Variants in MAST4 observed in about 807,000 individuals in gnomAD.
MAST4 encodes microtubule associated serine/threonine kinase family member 4, also known as microtubule-associated serine/threonine-protein kinase 4.
In MAST4, 89 loss-of-function variants were observed where a neutral mutation model predicts 162.7. That is an observed-to-expected ratio of 0.55 (90% CI 0.46 to 0.65). The LOEUF is 0.65. Among genes scored for constraint, MAST4 ranks in the 30% least tolerant of loss-of-function variants. The pLI is 0.00. For missense variants in MAST4, 3,153 were observed against 3,374.0 expected (o/e 0.93, Z 1.62); for synonymous variants, 1,479 against 1,361.1 (o/e 1.09, Z -1.91).
At chr5:66,928,793 A>T (rs1007006331) in intron 4 of MAST4, among the ~76,000 whole-genome samples, 1 of 152,204 alleles carries the variant, frequency 6.6e-6, no homozygotes, top group Non-Finnish European at 1.5e-5. Flanking sequence ...TTCTGGAAAG[A>T]TGCAGAGGGA....
At chr5:67,160,185 G>A (rs1773026812) in intron 26 of MAST4, among the ~76,000 whole-genome samples, 1 of 152,156 alleles carries the variant, frequency 6.6e-6, no homozygotes, top group African/African-American at 2.4e-5. Context: ...TTGAGGGTAG[G>A]GAGGGTAGCA....
chr5:66,850,535 G>C (rs1019920669), intron 3 of MAST4, among the ~76,000 whole-genome samples: 1 of 151,962 alleles, frequency 6.6e-6, no homozygotes, highest in African/African-American at 2.4e-5. Flanking sequence ...TGCTACAAGT[G>C]GAAAATTCCA....
chr5:66,863,743 A>G (rs1214794321), intron 3 of MAST4, among the ~76,000 whole-genome samples: 1 of 152,130 alleles, frequency 6.6e-6, no homozygotes, highest in Non-Finnish European at 1.5e-5. Flanking sequence ...TGTGATCGAA[A>G]TCATTGCTCC....
At position 67,165,605 on chromosome 5, in the gene MAST4, C is replaced by T. The variant is rs1481247655; in HGVS notation, c.6426C>T (p.Asp2142=). Reference sequence around the variant, plus strand: ...CTCCGCCCCCTCTGACGGCCAAAGACCTGTCCAGCCCGGCTGCCAGGCAGC... The same window carrying T: ...CTCCGCCCCCTCTGACGGCCAAAGATCTGTCCAGCCCGGCTGCCAGGCAGC... ...SIPPPPLTAK[D]LSSPAARQHC... The change falls in exon 29 of 29, where the codon GAC becomes GAT. Residue 2142 remains aspartate (D), a synonymous_variant. Transcript: ENST00000403625. The T allele has an allele frequency of 6.2e-7, 1 of 1,613,688 alleles. No homozygotes were observed. Among genetic ancestry groups the T allele is most frequent in the Non-Finnish European group, 8.5e-7 (1 of 1,179,770 alleles).
chr5:67,164,903 G>A lies in MAST4; in HGVS notation c.5724G>A (p.Arg1908=), dbSNP rs369576644. The A allele has an allele frequency of 3.0e-4, 485 of 1,613,854 alleles. 1 individual carries two copies. Among genetic ancestry groups the A allele is most frequent in the Non-Finnish European group, 3.7e-4 (433 of 1,179,904 alleles). The change falls in exon 29 of 29, where the codon AGG becomes AGA. Residue 1908 remains arginine (R), a synonymous_variant. Transcript: ENST00000403625. The surrounding 1 kb of genome is among the most constrained non-coding windows in gnomAD (Gnocchi z 5.3). ...GGAAAGGTCCCCATCCTACTGCCAG[G>A]AGCCCTGGAACAGTCATGGAAAGCA... The part of the protein sequence containing the change: ...RDRKGPHPTA[R]SPGTVMESNP...
At chr5:66,763,403 C>T (rs1753941477) in intron 2 of MAST4, among the ~76,000 whole-genome samples, 1 of 152,050 alleles carries the variant, frequency 6.6e-6, no homozygotes, top group Non-Finnish European at 1.5e-5. Context: ...CATTGGTCGA[C>T]CCAGAAATTT....
At chr5:67,146,590 G>A (rs1382218407) in intron 23 of MAST4, among the ~76,000 whole-genome samples, 1 of 152,160 alleles carries the variant, frequency 6.6e-6, no homozygotes, top group Non-Finnish European at 1.5e-5. Context: ...AATATTCATA[G>A]TGTAAGCTTT....
chr5:66,715,571 A>C (rs1750776409), intron 1 of MAST4, among the ~76,000 whole-genome samples: 1 of 151,534 alleles, frequency 6.6e-6, no homozygotes, highest in Non-Finnish European at 1.5e-5. Context: ...CCTAATGCTA[A>C]ATGACGAGTT....
chr5:66,724,222 C>T (rs1751384141), intron 1 of MAST4, among the ~76,000 whole-genome samples: 1 of 152,144 alleles, frequency 6.6e-6, no homozygotes, highest in Admixed American at 6.6e-5. Context: ...GTTACAACAA[C>T]ATTTGATTCG....
In MAST4 at chr5:67,078,841, A is replaced by AATATATTTATATATTTATATAAAT. The variant is rs1326581608; in HGVS notation, c.764-11307_764-11284dup. ...TTTTATATTTATATTTATATATTTA[A>AATATATTTATATATTTATATAAAT]ATATATTTATATATTTATATAAATA... On this transcript the variant is annotated intron_variant, in intron 5 of 28. Transcript: ENST00000403625. Among the ~76,000 whole-genome samples the AATATATTTATATATTTATATAAAT allele has an allele frequency of 4.8e-4, 48 of 100,802 alleles. No individual in the cohort carries two copies. In the East Asian group the frequency reaches 5.9e-3, roughly 12 times the overall value. The allele number at this position is 100,802 out of a possible 152,430, so 66.1% of individuals were successfully genotyped here. A position where few individuals can be genotyped will look rare whatever the true frequency, so the allele number is the denominator to read the frequency against.
At chr5:67,011,302 G>A (rs935977222) in intron 4 of MAST4, among the ~76,000 whole-genome samples, 3 of 152,038 alleles carry the variant, frequency 2.0e-5, no homozygotes, top group African/African-American at 2.4e-5. Context: ...TCCTCTCCAC[G>A]CCTGACCTGC....
At chr5:67,013,790 G>A (rs1347597798) in intron 4 of MAST4, among the ~76,000 whole-genome samples, 1 of 152,140 alleles carries the variant, frequency 6.6e-6, no homozygotes, top group East Asian at 1.9e-4. Context: ...GATGTATGAA[G>A]GGGTTGAGGG....
At chr5:67,105,579 T>C (rs1256129129) in intron 10 of MAST4, among the ~76,000 whole-genome samples, 1 of 152,150 alleles carries the variant, frequency 6.6e-6, no homozygotes, top group Non-Finnish European at 1.5e-5. Context: ...GTGAACACAT[T>C]GTTTTGGGGT....
intron 4 of MAST4, among the ~76,000 whole-genome samples, chr5:66,908,400 T>C (rs563578798): frequency 3.2e-4 from 48 of 152,260 alleles, no homozygotes; most frequent in African/African-American, 1.1e-3. Context: ...CAAACACCCT[T>C]GGGAATGCAA....
chr5:67,045,723 C>T (rs994336890), intron 4 of MAST4, among the ~76,000 whole-genome samples: 2 of 152,144 alleles, frequency 1.3e-5, no homozygotes, highest in East Asian at 1.9e-4. Flanking sequence ...TCTGTATATA[C>T]GCTCCAATTA....
chr5:66,915,817 C>G (rs1162930127), intron 4 of MAST4, among the ~76,000 whole-genome samples: 1 of 152,212 alleles, frequency 6.6e-6, no homozygotes, highest in Non-Finnish European at 1.5e-5. Flanking sequence ...CTTCCTGGCT[C>G]ACCCCTTAGT....
At chr5:66,954,087 T>G (rs1393861855) in intron 4 of MAST4, among the ~76,000 whole-genome samples, 1 of 152,180 alleles carries the variant, frequency 6.6e-6, no homozygotes, top group Non-Finnish European at 1.5e-5. Context: ...CCTTGTCATA[T>G]ATATATGTCT....
At chr5:66,987,543 A>G (rs986754697) in intron 4 of MAST4, among the ~76,000 whole-genome samples, 16 of 152,104 alleles carry the variant, frequency 1.1e-4, no homozygotes, top group African/African-American at 3.1e-4. Flanking sequence ...TTTAATTTCA[A>G]TACTCCTAAA....
At chr5:67,053,826 T>C (rs1342459747) in intron 4 of MAST4, among the ~76,000 whole-genome samples, 1 of 152,196 alleles carries the variant, frequency 6.6e-6, no homozygotes, top group East Asian at 1.9e-4. Context: ...TTTAATACAC[T>C]GGGATCTGAT....
Sources: gnomAD v4.1 joint callset for allele counts (sites outside exome capture counted in the v4.1 genomes callset) on GRCh38, gnomAD v4.1.1 for gene constraint, Gnocchi (gnomAD v3.1) non-coding constraint, MANE v1.5 for transcripts, NCBI Gene and HGNC (gene_info 2026-07-23, HGNC 2026-07-21) for gene names.